TBX2: variants seen among roughly 807,000 people sequenced by gnomAD.
TBX2 encodes the protein T-box transcription factor 2.
A neutral mutation model predicts 48.4 loss-of-function variants in TBX2; 19 were observed. The ratio of observed to expected loss-of-function variants is 0.39; its 90% CI spans 0.27 to 0.58. The LOEUF is 0.58. Ranked by LOEUF, TBX2 falls within the 20% of genes least tolerant of loss-of-function variation. TBX2 has a pLI of 0.54. For missense variants in TBX2, 994 were observed against 1,006.5 expected (o/e 0.99, Z 0.17); for synonymous variants, 522 against 459.7 (o/e 1.14, Z -1.73).
Position 61,408,491 on chromosome 17 carries a change from G to A in TBX2, c.2124G>A (p.Arg708=), listed in dbSNP as rs748322106. The change falls in exon 7 of 7, where the codon CGG becomes CGA. Residue 708 remains arginine, a synonymous_variant. Coordinates refer to ENST00000240328, the MANE Select transcript of TBX2 (RefSeq NM_005994.4). The stretch of plus-strand genomic sequence containing the variant: ...GCCAGCGAGCCCTCTCCCCAGGCCG[G>A]GAGTCGCCCAAGTGAGGGGCTGCCC... ...LESQRALSPG[R]ESPK 11 of 1,445,186 alleles carry A rather than the reference G, an allele frequency of 7.6e-6. No homozygotes were observed. The highest frequency in any genetic ancestry group is 1.0e-5 in the Non-Finnish European group (11 of 1,098,388). 89.5% of individuals were successfully genotyped at this position (1,445,186 alleles called of 1,614,324 possible).
At position 61,405,850 on chromosome 17, in the gene TBX2, C is replaced by T. The variant is rs1323023038; in HGVS notation, c.1686+14C>T. 1.5e-6 allele frequency: 2 copies of T among 1,292,328 alleles called. No individual in the cohort carries two copies. Among genetic ancestry groups the T allele is most frequent in the South Asian group, 3.3e-5 (1 of 30,706 alleles). The allele number at this position is 1,292,328 out of a possible 1,614,324, so 80.1% of individuals were successfully genotyped here. A position where few individuals can be genotyped will look rare whatever the true frequency, so the allele number is the denominator to read the frequency against. ...CTGGCATCTCAGGTAAGGCCTGTGA[C>T]CCCGCGGCAGCGCCAGCGAGGGAGA... On this transcript the variant is annotated intron_variant, in intron 6 of 6. Coordinates refer to ENST00000240328, the MANE Select transcript of TBX2 (RefSeq NM_005994.4).
intron 2 of TBX2, 115 bp downstream of exon 2, chr17:61,402,066 G>A: frequency 2.1e-6 from 3 of 1,437,356 alleles, no homozygotes; most frequent in Middle Eastern, 4.9e-4. Context: ...CAAACCCCCA[G>A]AGTGCCCCTG....
rs759913858 is a variant in TBX2, at chr17:61,404,411, G to A, written c.811-10G>A. The A allele has an allele frequency of 2.2e-5, 36 of 1,603,162 alleles. No individual in the cohort carries two copies. The highest frequency in any genetic ancestry group is 2.8e-5 in the Non-Finnish European group (33 of 1,175,050). On this transcript the variant is annotated splice_polypyrimidine_tract_variant and intron_variant, in intron 3 of 6. Transcript: ENST00000240328. ...GGCCTGACTTAGCGCCGCCCCCTTG[G>A]TCCCCGCAGATCACACAGCTGAAGA...
At position 61,405,132 on chromosome 17, in the gene TBX2, CCGAGTGT is replaced by C. The variant is rs2060282582; in HGVS notation, c.1052-68_1052-62del. On this transcript the variant is annotated intron_variant, in intron 5 of 6. Transcript: ENST00000240328. ...TCGGCCTCCCCGAGAGCAGCCCTTC[CCGAGTGT>C]CCCTGATCCTGCTCGTCGGCCTCCG... 1.3e-5 allele frequency: 20 copies of C among 1,484,372 alleles called. No individual in the cohort carries two copies. The South Asian group carries it at 2.7e-4, about 20-fold the overall frequency. The allele number at this position is 1,484,372 out of a possible 1,614,324, so 92.0% of individuals were successfully genotyped here.
At chr17:61,402,804 AT>A (rs1009294488) in intron 2 of TBX2, among the ~76,000 whole-genome samples, 32 of 151,176 alleles carry the variant, frequency 2.1e-4, no homozygotes, top group Admixed American at 6.6e-5. Flanking sequence ...CAACTGGGAA[AT>A]TTTTTTTAAT....
intron 6 of TBX2, 146 bp downstream of exon 6, chr17:61,405,982 C>A: frequency 1.2e-6 from 1 of 807,292 alleles, no homozygotes; most frequent in Non-Finnish European, 1.7e-6. Context: ...CCCGGGATGC[C>A]CTTTAGGACA....
intron 3 of TBX2, among the ~76,000 whole-genome samples, chr17:61,404,066 GTC>G (rs1289872862): frequency 1.3e-5 from 2 of 152,244 alleles, no homozygotes; most frequent in African/African-American, 4.8e-5. Flanking sequence ...GTGAACTGCA[GTC>G]TCTGTTCGCG....
In TBX2 at chr17:61,400,425, C is replaced by T; in HGVS notation, c.249C>T (p.His83=). The change falls in exon 1 of 7, where the codon CAC becomes CAT. Residue 83 remains histidine, a synonymous_variant. Coordinates refer to ENST00000240328, the MANE Select transcript of TBX2 (RefSeq NM_005994.4). This position sits in a 1 kb window ranked among gnomAD's most constrained non-coding sequence, Gnocchi z 9.2. ...TGCACGTCTCGGCACTGGGCCCGCA[C>T]CCGCCCGCCGCGCATCTGCGCTCCC... ...AGLHVSALGP[H]PPAAHLRSLK... is the part of the protein sequence containing the mutation. 1.3e-6 allele frequency: 2 copies of T among 1,556,694 alleles called. No homozygotes were observed. Among genetic ancestry groups the T allele is most frequent in the East Asian group, 2.3e-5 (1 of 42,676 alleles).
intron 2 of TBX2, 106 bp from the exon 3 acceptor site, chr17:61,402,955 A>AGG: frequency 1.4e-5 from 2 of 144,966 alleles, no homozygotes; most frequent in Admixed American, 1.0e-4. Context: ...AGAGAGAGAG[A>AGG]GAGAGAGAGA....
Position 61,408,381 on chromosome 17 carries a change from C to A in TBX2, c.2014C>A (p.Arg672Ser). The A allele has an allele frequency of 6.4e-7, 1 of 1,567,186 alleles. No homozygotes were observed. Among genetic ancestry groups the A allele is most frequent in the East Asian group, 2.4e-5 (1 of 41,562 alleles). ...TCTCCGCAAAGTAGGGGCCCCATCCCGCGGTGCCCTGTCGCCCAGTGGCTC... is the reference window on the plus strand; with the variant it reads ...TCTCCGCAAAGTAGGGGCCCCATCCAGCGGTGCCCTGTCGCCCAGTGGCTC... ...LALRKVGAPS[R>S]GALSPSGSAK... The change falls in exon 7 of 7, where the codon CGC becomes AGC. Residue 672 changes from arginine (R) to serine (S), a missense_variant. Around this residue, in one of 5 missense-constraint regions of TBX2, gnomAD observed 639 missense variants for 613.2 expected, o/e 1.04. Transcript: ENST00000240328.
chr17:61,407,026 C>G (rs968057860), intron 6 of TBX2: 4 of 152,130 alleles, frequency 2.6e-5, no homozygotes, highest in African/African-American at 9.7e-5. Flanking sequence ...GGTGCATGAC[C>G]CGGGTGAGAA....
chr17:61,405,565 G>A lies in TBX2; in HGVS notation c.1415G>A (p.Ser472Asn). Residue 472 changes from serine to asparagine, a missense_variant, in exon 6 of 7, where the codon AGC (serine) becomes AAC (asparagine). Coordinates refer to ENST00000240328, the MANE Select transcript of TBX2 (RefSeq NM_005994.4). ...CACCTGCCCGGCCTGGCCTTTTCCA[G>A]CCACTTGCACGGGCAGCAGTTCTTT... ...AGHLPGLAFS[S>N]HLHGQQFFGP... 1.2e-6 allele frequency: 2 copies of A among 1,600,192 alleles called. No homozygotes were observed. The highest frequency in any genetic ancestry group is 2.2e-5 in the East Asian group (1 of 44,550).
rs2060285639 is a variant in TBX2, at chr17:61,405,643, T to C, written c.1493T>C (p.Met498Thr). ...PLFLHPGQFTMGPGAFSAMGM... is the reference protein window; with the variant it reads ...PLFLHPGQFTTGPGAFSAMGM... ...TTCCTGCACCCTGGACAGTTCACCATGGGCCCTGGCGCCTTCTCCGCCATG... is the reference window on the plus strand; with the variant it reads ...TTCCTGCACCCTGGACAGTTCACCACGGGCCCTGGCGCCTTCTCCGCCATG... Residue 498 changes from methionine (M) to threonine (T), a missense_variant, in exon 6 of 7, where the codon ATG becomes ACG. Met to Thr is a moderately conservative substitution (Grantham distance 81, BLOSUM62 -1). Coordinates refer to ENST00000240328, the MANE Select transcript of TBX2 (RefSeq NM_005994.4). 5 of 1,519,746 alleles carry C rather than the reference T, an allele frequency of 3.3e-6. No homozygotes were observed. The highest frequency in any genetic ancestry group is 2.0e-5 in the Admixed American group (1 of 51,002). The allele number at this position is 1,519,746 out of a possible 1,614,324, so 94.1% of individuals were successfully genotyped here.
intron 2 of TBX2, among the ~76,000 whole-genome samples, 165 bp from the exon 3 acceptor site, chr17:61,402,894 CAG>C (rs2060269500): frequency 7.2e-6 from 1 of 139,404 alleles, no homozygotes; most frequent in Admixed American, 7.8e-5. Flanking sequence ...GAGAAAAGAG[CAG>C]AGACAGGAGA....
chr17:61,400,131 C>G lies in TBX2; in HGVS notation c.-46C>G. On this transcript the variant is annotated 5_prime_UTR_variant, in exon 1 of 7. Coordinates refer to ENST00000240328, the MANE Select transcript of TBX2 (RefSeq NM_005994.4). This position sits in a 1 kb window ranked among gnomAD's most constrained non-coding sequence, Gnocchi z 9.2. The stretch of plus-strand genomic sequence containing the variant: ...CGGGCCGGGGGTCCGAGCCGCGCGC[C>G]CCCGGCCCCGGCCCCGGCCCCCGGG... 3.1e-6 allele frequency: 3 copies of G among 965,242 alleles called. No homozygotes were observed. The highest frequency in any genetic ancestry group is 3.6e-5 in the African/African-American group (2 of 56,286). The allele number at this position is 965,242 out of a possible 1,614,324, so 59.8% of individuals were successfully genotyped here. A position where few individuals can be genotyped will look rare whatever the true frequency, so the allele number is the denominator to read the frequency against.
Position 61,404,769 on chromosome 17 carries a change from G to T in TBX2, c.1051G>T (p.Ala351Ser). Residue 351 changes from alanine to serine, a missense_variant and splice_region_variant, in exon 5 of 7, where the codon GCT (alanine) becomes TCT (serine). By Grantham distance (99) the Ala-to-Ser change is moderately conservative. Around this residue, in one of 5 missense-constraint regions of TBX2, gnomAD observed 639 missense variants for 613.2 expected, o/e 1.04. Transcript: ENST00000240328. Reference sequence around the variant, plus strand: ...TCCGCTGCGCCTGCACCGGGCCCGAGGTGAGGGTCGGACCGGAGGAGGGAC... The same window carrying T: ...TCCGCTGCGCCTGCACCGGGCCCGATGTGAGGGTCGGACCGGAGGAGGGAC... ...PSPLRLHRARAEEKSCAADSD... is the reference protein window; with the variant it reads ...PSPLRLHRARSEEKSCAADSD... The T allele has an allele frequency of 6.5e-7, 1 of 1,545,460 alleles. No individual in the cohort carries two copies.
Position 61,405,572 on chromosome 17 carries a change from G to A in TBX2, c.1422G>A (p.Leu474=). The A allele has an allele frequency of 7.5e-6, 12 of 1,600,336 alleles. No homozygotes were observed. Among genetic ancestry groups the A allele is most frequent in the Non-Finnish European group, 1.0e-5 (12 of 1,177,054 alleles). Reference sequence around the variant, plus strand: ...CCGGCCTGGCCTTTTCCAGCCACTTGCACGGGCAGCAGTTCTTTGGGCCGC... The same window carrying A: ...CCGGCCTGGCCTTTTCCAGCCACTTACACGGGCAGCAGTTCTTTGGGCCGC... ...HLPGLAFSSH[L]HGQQFFGPLG... Residue 474 remains leucine (L), a synonymous_variant, in exon 6 of 7, where the codon TTG becomes TTA. Coordinates refer to ENST00000240328, the MANE Select transcript of TBX2 (RefSeq NM_005994.4).
At chr17:61,404,923 T>A (rs1222754775) in intron 5 of TBX2, 154 bp downstream of exon 5, 3 of 1,294,762 alleles carry the variant, frequency 2.3e-6, no homozygotes, top group Middle Eastern at 1.8e-4. Context: ...GGGACTCCCC[T>A]ACGAGGGCGG....
intron 1 of TBX2, 105 bp from the exon 2 acceptor site, chr17:61,401,579 C>A: frequency 7.0e-7 from 1 of 1,435,994 alleles, no homozygotes; most frequent in South Asian, 1.4e-5. Context: ...AACAGCCAGG[C>A]GGCAGCGGTG....
Sources: gnomAD v4.1 joint callset for allele counts (sites outside exome capture counted in the v4.1 genomes callset) on GRCh38, gnomAD v4.1.1 for gene constraint, gnomAD v4.1.1 regional missense constraint, Gnocchi (gnomAD v3.1) non-coding constraint, MANE v1.5 for transcripts, NCBI Gene and HGNC (gene_info 2026-07-23, HGNC 2026-07-21) for gene names.